Variants in GPR180 observed in about 807,000 individuals in gnomAD.
GPR180 encodes the protein G protein-coupled receptor 180.
GPR180 carries 53 observed loss-of-function variants against 52.6 expected under a neutral mutation model. That is an observed-to-expected ratio of 1.01 (90% CI 0.81 to 1.27). GPR180 has a LOEUF of 1.27. Among genes scored for constraint, GPR180 ranks in the 50% most tolerant of loss-of-function variants. GPR180 has a pLI of 0.00. For missense variants in GPR180, 533 were observed against 527.0 expected (o/e 1.01, Z -0.11); for synonymous variants, 200 against 193.1 (o/e 1.04, Z -0.30).
chr13:94,626,148 GGGT>G, intron 8 of GPR180, 105 bp downstream of exon 8: 1 of 687,806 alleles, frequency 1.5e-6, no homozygotes, highest in East Asian at 2.9e-5. Context: ...GACATTTTCT[GGGT>G]TATTTAAAAC....
Position 94,625,980 on chromosome 13 carries a change from G to T in GPR180, c.1101G>T (p.Trp367Cys). 1 of 1,611,734 alleles carries T rather than the reference G, an allele frequency of 6.2e-7. No individual in the cohort carries two copies. The highest frequency in any genetic ancestry group is 1.1e-5 in the South Asian group (1 of 90,928). The change falls in exon 8 of 9, where the codon TGG (tryptophan) becomes TGT (cysteine). Residue 367 changes from tryptophan (W) to cysteine (C), a missense_variant. Coordinates refer to ENST00000376958, the MANE Select transcript of GPR180 (RefSeq NM_180989.6). ...CTTTGTTTCAGGGCTGTATCTTGTG[G>T]TTTTTATGCCATCCAGTTCTTGCAT... ...YITFAKGCIL[W>C]FLCHPVLACI...
At chr13:94,617,841 G>A (rs1387541180) in intron 3 of GPR180, among the ~76,000 whole-genome samples, 1 of 152,202 alleles carries the variant, frequency 6.6e-6, no homozygotes, top group Non-Finnish European at 1.5e-5. Flanking sequence ...CACTGTTAGA[G>A]CAGTCTGGTG....
rs2138572593 is a variant in GPR180, at chr13:94,628,486, G to T, written c.*1315G>T. ...CAAGCAACAGTGCACTGATCTGGTA[G>T]TTAAATTTTTTAATTAAATAGTTAA... is the stretch of plus-strand genomic sequence containing the variant. On this transcript the variant is annotated 3_prime_UTR_variant, in exon 9 of 9. Transcript: ENST00000376958. 6.6e-6 allele frequency: 1 copy of T among 152,124 alleles called. No homozygotes were observed. The highest frequency in any genetic ancestry group is 2.1e-4 in the South Asian group (1 of 4,824). The allele number at this position is 152,124 out of a possible 1,614,324, so 9.4% of individuals were successfully genotyped here.
chr13:94,624,969 A>T (rs1889907014), intron 7 of GPR180, among the ~76,000 whole-genome samples: 1 of 151,462 alleles, frequency 6.6e-6, no homozygotes, highest in African/African-American at 2.4e-5. Context: ...ATGTGCTACC[A>T]CACCTGGCTA....
Position 94,634,093 on chromosome 13 carries a change from G to GT in GPR180, c.*6928dup, listed in dbSNP as rs1890034087. On this transcript the variant is annotated 3_prime_UTR_variant, in exon 9 of 9. Transcript: ENST00000376958. Reference sequence around the variant, plus strand: ...GGATAATTTTCTGTTAAGTGTTTTTGTTTTTTATAATTTTCCAATTAGTCT... The same window carrying GT: ...GGATAATTTTCTGTTAAGTGTTTTTGTTTTTTTATAATTTTCCAATTAGTCT... 6.6e-6 allele frequency: 1 copy of GT among 151,286 alleles called. No individual in the cohort carries two copies. Among genetic ancestry groups the GT allele is most frequent in the African/African-American group, 2.4e-5 (1 of 41,190 alleles). 9.4% of individuals were successfully genotyped at this position (151,286 alleles called of 1,614,324 possible). A position where few individuals can be genotyped will look rare whatever the true frequency, so the allele number is the denominator to read the frequency against.
At chr13:94,604,888 T>C (rs1409869744) in intron 1 of GPR180, among the ~76,000 whole-genome samples, 1 of 152,176 alleles carries the variant, frequency 6.6e-6, no homozygotes, top group East Asian at 1.9e-4. Context: ...AAAGTTCTTT[T>C]GTAAAAGTCG....
intron 2 of GPR180, among the ~76,000 whole-genome samples, chr13:94,606,198 A>C (rs1167207060): frequency 2.6e-5 from 4 of 152,206 alleles, no homozygotes; most frequent in Non-Finnish European, 4.4e-5. Flanking sequence ...TGGCAGGCTG[A>C]GGCATGAGAA....
At position 94,612,387 on chromosome 13, in the gene GPR180, T is replaced by A. The variant is rs780753176; in HGVS notation, c.502T>A (p.Ser168Thr). 2.5e-6 allele frequency: 4 copies of A among 1,596,622 alleles called. No individual in the cohort carries two copies. The South Asian group carries it at 4.4e-5, about 18-fold the overall frequency. Residue 168 changes from serine to threonine, a missense_variant, in exon 3 of 9, where the codon TCT (serine) becomes ACT (threonine). Physicochemically the swap from Ser to Thr is moderately conservative, Grantham distance 58. Coordinates refer to ENST00000376958, the MANE Select transcript of GPR180 (RefSeq NM_180989.6). ...ATTTGATCATTTTAGTGCTGGAGAA[T>A]CTGGTAAGAATATGTATTTGAATAT... The part of the protein sequence containing the change: ...NPFDHFSAGE[S>T]GLHEFFFLLV...
At chr13:94,610,927 T>C (rs1251552443) in intron 2 of GPR180, among the ~76,000 whole-genome samples, 2 of 152,188 alleles carry the variant, frequency 1.3e-5, no homozygotes, top group Non-Finnish European at 2.9e-5. Context: ...TATAACTACC[T>C]TGTTTTAAAG....
At chr13:94,621,436 A>T (rs538680506) in intron 6 of GPR180, among the ~76,000 whole-genome samples, 3 of 152,186 alleles carry the variant, frequency 2.0e-5, no homozygotes, top group South Asian at 2.1e-4. Flanking sequence ...AATTATCTGG[A>T]TGCTACTATA....
intron 2 of GPR180, among the ~76,000 whole-genome samples, chr13:94,611,711 C>G (rs139993665): frequency 6.6e-6 from 1 of 151,920 alleles, no homozygotes; most frequent in Non-Finnish European, 1.5e-5. Context: ...TCATGATCTA[C>G]GAGACCATGC....
Position 94,633,085 on chromosome 13 carries a change from A to G in GPR180, c.*5914A>G, listed in dbSNP as rs1890020821. 1 of 152,178 alleles carries G rather than the reference A, an allele frequency of 6.6e-6. No individual in the cohort carries two copies. The highest frequency in any genetic ancestry group is 1.5e-5 in the Non-Finnish European group (1 of 68,050). The allele number at this position is 152,178 out of a possible 1,614,324, so 9.4% of individuals were successfully genotyped here. A position where few individuals can be genotyped will look rare whatever the true frequency, so the allele number is the denominator to read the frequency against. On this transcript the variant is annotated 3_prime_UTR_variant, in exon 9 of 9. Transcript: ENST00000376958. ...TATCCTTTTGCTATAATAAACTGTA[A>G]TAGTACGCATAGCACTTTGCTGAGT...
At chr13:94,604,967 A>G (rs1227396934) in intron 1 of GPR180, among the ~76,000 whole-genome samples, 1 of 152,162 alleles carries the variant, frequency 6.6e-6, no homozygotes, top group Non-Finnish European at 1.5e-5. Flanking sequence ...CTTTCCTGCT[A>G]TTAGCTATGT....
intron 3 of GPR180, among the ~76,000 whole-genome samples, chr13:94,615,021 C>A (rs1889759559): frequency 6.6e-6 from 1 of 152,118 alleles, no homozygotes. Context: ...TGGTTCTTAA[C>A]CCATCACTGT....
chr13:94,626,164 T>C (rs1222407943), intron 8 of GPR180, 121 bp downstream of exon 8: 1 of 576,282 alleles, frequency 1.7e-6, no homozygotes, highest in Non-Finnish European at 2.9e-6. Context: ...TTTAAAACTT[T>C]GAAACAAAAT....
intron 6 of GPR180, among the ~76,000 whole-genome samples, chr13:94,622,590 G>T (rs1336768775): frequency 1.3e-5 from 2 of 152,186 alleles, no homozygotes; most frequent in African/African-American, 4.8e-5. Context: ...GGCTGTGGTA[G>T]CTCTGTGGTA....
At position 94,623,064 on chromosome 13, in the gene GPR180, G is replaced by A. The variant is rs191986615; in HGVS notation, c.895-45G>A. The A allele has an allele frequency of 5.6e-5, 76 of 1,368,940 alleles. No individual in the cohort carries two copies. In the East Asian group the frequency reaches 1.7e-3, roughly 30 times the overall value. The allele number at this position is 1,368,940 out of a possible 1,614,324, so 84.8% of individuals were successfully genotyped here. ...AGAGTTGAAAAAAATATTGTAATGA[G>A]GTATATTTTTTTTTCCTAAATGTAA... On this transcript the variant is annotated intron_variant, in intron 6 of 8. Transcript: ENST00000376958.
intron 7 of GPR180, 33 bp from the exon 8 acceptor site, chr13:94,625,933 G>A (rs1889923014): frequency 6.4e-7 from 1 of 1,553,680 alleles, no homozygotes; most frequent in African/African-American, 1.4e-5. Context: ...AAGCTACACA[G>A]TTCTACTTAT....
At position 94,627,131 on chromosome 13, in the gene GPR180, T is replaced by A; in HGVS notation, c.1283T>A (p.Leu428Gln). The change falls in exon 9 of 9, where the codon CTG (leucine) becomes CAG (glutamine). Residue 428 changes from leucine (L) to glutamine (Q), a missense_variant. Physicochemically the swap from Leu to Gln is moderately radical, Grantham distance 113. Coordinates refer to ENST00000376958, the MANE Select transcript of GPR180 (RefSeq NM_180989.6). ...TCACTTTCTTCAGTAACACTACCAC[T>A]GACCATATCATCTGGACACAAAAGT... ...VSSLSSVTLP[L>Q]TISSGHKSRP... 6.2e-7 allele frequency: 1 copy of A among 1,612,822 alleles called. No individual in the cohort carries two copies. Among genetic ancestry groups the A allele is most frequent in the Non-Finnish European group, 8.5e-7 (1 of 1,179,476 alleles).
Sources: gnomAD v4.1 joint callset for allele counts (sites outside exome capture counted in the v4.1 genomes callset) on GRCh38, gnomAD v4.1.1 for gene constraint, MANE v1.5 for transcripts, NCBI Gene and HGNC (gene_info 2026-07-23, HGNC 2026-07-21) for gene names.